Variants in PCDH15 observed in about 807,000 individuals in gnomAD.
The protein encoded by PCDH15 is protocadherin related 15, also known as protocadherin-15.
PCDH15 carries 129 observed loss-of-function variants against 178.5 expected under a neutral mutation model. That is an observed-to-expected ratio of 0.72 (90% confidence interval 0.63 to 0.84). The LOEUF (loss-of-function observed/expected upper bound fraction) is 0.84. PCDH15 is among the 40% of genes least tolerant of loss of function. The pLI is 0.00. For synonymous variants in PCDH15, 800 were observed against 732.0 expected (o/e 1.09, Z -1.50); for missense variants, 2,230 against 2,099.9 (o/e 1.06, Z -1.21).
intron 16 of PCDH15, among the ~76,000 whole-genome samples, 160 bp from the exon 17 acceptor site, chr10:54,079,584 T>C (rs537208177): frequency 1.3e-5 from 2 of 152,216 alleles, no homozygotes; most frequent in East Asian, 1.9e-4. Context: ...ATTCTGAAAA[T>C]TGAAAACAGC....
intron 1 of PCDH15, among the ~76,000 whole-genome samples, chr10:55,307,727 C>A (rs73252162): frequency 1.3e-5 from 2 of 151,546 alleles, no homozygotes; most frequent in Non-Finnish European, 2.9e-5. Flanking sequence ...AACTTGCCCC[C>A]CAAACAAAAT....
intron 2 of PCDH15, among the ~76,000 whole-genome samples, chr10:55,009,870 T>A (rs1840012014): frequency 6.6e-6 from 1 of 152,174 alleles, no homozygotes; most frequent in African/African-American, 2.4e-5. Context: ...TTCTCAGAAC[T>A]GCATACCTCT....
intron 1 of PCDH15, among the ~76,000 whole-genome samples, chr10:55,264,184 A>G (rs1191130896): frequency 6.6e-6 from 1 of 152,130 alleles, no homozygotes; most frequent in East Asian, 1.9e-4. Flanking sequence ...AGCCCCTAAA[A>G]TACCTTTTCA....
At chr10:55,100,003 G>A (rs1842540016) in intron 2 of PCDH15, among the ~76,000 whole-genome samples, 1 of 152,044 alleles carries the variant, frequency 6.6e-6, no homozygotes, top group Admixed American at 6.6e-5. Context: ...CTATCATAAT[G>A]TCTTACAAGA....
chr10:54,153,356 T>C (rs1049405408), intron 13 of PCDH15, 63 bp from the exon 14 acceptor site: 2 of 1,565,670 alleles, frequency 1.3e-6, no homozygotes, highest in Middle Eastern at 4.1e-4. Context: ...CATGTCGTTT[T>C]TTCCCCCAAC....
chr10:55,101,722 A>C (rs1842581619), intron 2 of PCDH15, among the ~76,000 whole-genome samples: 1 of 151,576 alleles, frequency 6.6e-6, no homozygotes, highest in Non-Finnish European at 1.5e-5. Flanking sequence ...AGTATAGATG[A>C]ATTATATATA....
At chr10:54,985,862 C>T (rs1159498907) in intron 2 of PCDH15, among the ~76,000 whole-genome samples, 1 of 152,110 alleles carries the variant, frequency 6.6e-6, no homozygotes, top group African/African-American at 2.4e-5. Context: ...ATAAAGTGAA[C>T]ACACTTTTAC....
intron 2 of PCDH15, among the ~76,000 whole-genome samples, chr10:55,367,335 C>A (rs1019027922): frequency 6.6e-6 from 1 of 152,018 alleles, no homozygotes; most frequent in Non-Finnish European, 1.5e-5. Context: ...AATCCTAGAA[C>A]TTTGTGGGGC....
chr10:53,935,787 G>C (rs1020304304), intron 25 of PCDH15, among the ~76,000 whole-genome samples: 1 of 151,854 alleles, frequency 6.6e-6, no homozygotes, highest in Non-Finnish European at 1.5e-5. Flanking sequence ...TATAGTTGGT[G>C]GACCTCAGGG....
At chr10:55,274,121 T>A (rs1183932413) in intron 1 of PCDH15, among the ~76,000 whole-genome samples, 1 of 152,162 alleles carries the variant, frequency 6.6e-6, no homozygotes, top group African/African-American at 2.4e-5. Context: ...GTTTGTATAC[T>A]GAGCCAAAAC....
intron 26 of PCDH15, among the ~76,000 whole-genome samples, chr10:53,877,268 T>C (rs2080316246): frequency 6.6e-6 from 1 of 152,182 alleles, no homozygotes; most frequent in South Asian, 2.1e-4. Context: ...TCAGAGATGC[T>C]TTAAAATAAA....
chr10:55,078,311 T>C (rs999248041), intron 2 of PCDH15, among the ~76,000 whole-genome samples: 10 of 152,136 alleles, frequency 6.6e-5, no homozygotes, highest in African/African-American at 2.4e-4. Flanking sequence ...ATTTTGGCAT[T>C]GCATCTGTCT....
chr10:54,790,569 G>A (rs1951311428), intron 1 of PCDH15, among the ~76,000 whole-genome samples: 2 of 151,550 alleles, frequency 1.3e-5, no homozygotes, highest in African/African-American at 2.4e-5. Context: ...AGTTGTCTGG[G>A]GTAACAAATC....
chr10:53,923,432 TTA>T (rs1342268360), intron 25 of PCDH15, among the ~76,000 whole-genome samples: 1 of 152,236 alleles, frequency 6.6e-6, no homozygotes, highest in East Asian at 1.9e-4. Context: ...CAAGCTAAAT[TTA>T]TGTTTCTTAT....
intron 2 of PCDH15, among the ~76,000 whole-genome samples, chr10:54,598,309 G>A (rs371495915): frequency 2.6e-5 from 4 of 152,122 alleles, no homozygotes; most frequent in East Asian, 3.9e-4. Flanking sequence ...GGGATGCAAG[G>A]TTTGTTCAAT....
chr10:54,582,601 G>A (rs768474124), intron 2 of PCDH15, among the ~76,000 whole-genome samples: 2 of 151,924 alleles, frequency 1.3e-5, no homozygotes, highest in Non-Finnish European at 2.9e-5. Context: ...TACACTAGAT[G>A]CCACCCAATT....
chr10:54,593,500 T>G (rs574247046), intron 2 of PCDH15, among the ~76,000 whole-genome samples: 1 of 152,304 alleles, frequency 6.6e-6, no homozygotes, highest in African/African-American at 2.4e-5. Context: ...TGGATTTATT[T>G]CTGGGCTCTC....
chr10:54,126,868 T>G (rs2042033907), intron 15 of PCDH15, among the ~76,000 whole-genome samples: 1 of 152,262 alleles, frequency 6.6e-6, no homozygotes, highest in Non-Finnish European at 1.5e-5. Flanking sequence ...ATATTTTTGT[T>G]TGTTTATATG....
At chr10:55,493,354 A>T (rs894320449) in intron 2 of PCDH15, among the ~76,000 whole-genome samples, 1 of 151,606 alleles carries the variant, frequency 6.6e-6, no homozygotes, top group Admixed American at 6.6e-5. Flanking sequence ...TCAAGAGTTA[A>T]AGACCAGCCA....
Sources: allele counts gnomAD v4.1 joint callset (sites outside exome capture counted in the v4.1 genomes callset), GRCh38; gene constraint gnomAD v4.1.1; transcripts MANE v1.5; gene names NCBI Gene and HGNC (gene_info 2026-07-23, HGNC 2026-07-21).